The following TTC14 variants were observed in gnomAD, a reference collection of about 807,000 sequenced individuals.
The protein encoded by TTC14 is tetratricopeptide repeat domain 14.
TTC14 carries 63 observed loss-of-function variants against 79.9 expected under a neutral mutation model. That is an observed-to-expected ratio of 0.79 (90% CI 0.64 to 0.97). The LOEUF is 0.97. TTC14 is among the 50% of genes least tolerant of loss of function. TTC14 has a pLI of 0.00. For missense variants in TTC14, 895 were observed against 894.0 expected, an observed-to-expected ratio of 1.00 and a Z score of -0.01; for synonymous variants, 335 against 309.6, an observed-to-expected ratio of 1.08 and a Z score of -0.86.
At position 180,610,629 on chromosome 3, in the gene TTC14, C is replaced by A. The variant is rs540847051; in HGVS notation, c.*87C>A. Reference sequence around the variant, plus strand: ...AGTCATAACAGTTGAGTGCAGAAATCTCTGCTTCTAAAATTATTTGTAGAG... The same window carrying A: ...AGTCATAACAGTTGAGTGCAGAAATATCTGCTTCTAAAATTATTTGTAGAG... On this transcript the variant is annotated 3_prime_UTR_variant, in exon 12 of 12. Coordinates refer to ENST00000296015, the MANE Select transcript of TTC14 (RefSeq NM_133462.4). 8 of 1,486,526 alleles carry A rather than the reference C, an allele frequency of 5.4e-6. No individual in the cohort carries two copies. In the African/African-American group the frequency reaches 1.1e-4, roughly 21 times the overall value. 92.1% of individuals were successfully genotyped at this position (1,486,526 alleles called of 1,614,324 possible).
chr3:180,612,605 T>C (rs1007736372), downstream of TTC14, among the ~76,000 whole-genome samples: 22 of 152,166 alleles, frequency 1.4e-4, no homozygotes, highest in African/African-American at 4.6e-4. Flanking sequence ...TCCAAATAAG[T>C]TGGGTGTGGT....
chr3:180,616,073 A>T (rs893388515), downstream of TTC14, among the ~76,000 whole-genome samples: 1 of 152,226 alleles, frequency 6.6e-6, no homozygotes, highest in Non-Finnish European at 1.5e-5. Context: ...TAGTGACACC[A>T]GCAGAAGTCA....
intron 12 of TTC14, chr3:180,616,712 G>A (rs1415367720): frequency 6.3e-7 from 1 of 1,580,178 alleles, no homozygotes; most frequent in Non-Finnish European, 8.6e-7. Context: ...GTAAATAATA[G>A]TCAATTATTC....
chr3:180,614,182 C>G (rs1481848307), downstream of TTC14: 1 of 161,316 alleles, frequency 6.2e-6, no homozygotes, highest in Non-Finnish European at 1.4e-5. Context: ...TCATACCTAG[C>G]TTTCATTAAA....
At chr3:180,612,613 G>A (rs1176369344), downstream of TTC14, among the ~76,000 whole-genome samples, 2 of 152,140 alleles carry the variant, frequency 1.3e-5, no homozygotes, top group African/African-American at 4.8e-5. Context: ...AGTTGGGTGT[G>A]GTGGTGCATG....
At position 180,609,752 on chromosome 3, in the gene TTC14, A is replaced by G. The variant is rs1716887191; in HGVS notation, c.1523A>G (p.Asn508Ser). The G allele has an allele frequency of 1.2e-6, 2 of 1,613,860 alleles. No homozygotes were observed. The highest frequency in any genetic ancestry group is 1.3e-5 in the African/African-American group (1 of 74,916). The change falls in exon 12 of 12, where the codon AAC becomes AGC. Residue 508 changes from asparagine to serine, a missense_variant. Coordinates refer to ENST00000296015, the MANE Select transcript of TTC14 (RefSeq NM_133462.4). ...AAAAGGCATAAGAAACATAAGAGGA[A>G]CCGTTCAGAGTCTTCTCGCAGTTCC... ...GHKRHKKHKRNRSESSRSSRR... is the reference protein window; with the variant it reads ...GHKRHKKHKRSRSESSRSSRR...
intron 3 of TTC14, chr3:180,603,803 T>TA: frequency 4.5e-6 from 1 of 222,682 alleles, no homozygotes; most frequent in South Asian, 6.4e-5. Flanking sequence ...TGTGTCACGA[T>TA]AAAAGATTGG....
downstream of TTC14, chr3:180,615,165 C>G: frequency 1.0e-6 from 1 of 975,192 alleles, no homozygotes; most frequent in Non-Finnish European, 1.5e-6. Flanking sequence ...TACCATAATT[C>G]CATAAGTAAA....
intron 6 of TTC14, chr3:180,605,268 T>G (rs1716613028): frequency 3.3e-6 from 1 of 299,408 alleles, no homozygotes; most frequent in Non-Finnish European, 6.1e-6. Flanking sequence ...AAATACTGGG[T>G]TTTTTTGTTT....
chr3:180,606,642 T>G (rs1227991402), intron 9 of TTC14, 39 bp downstream of exon 9: 8 of 1,568,770 alleles, frequency 5.1e-6, no homozygotes, highest in Non-Finnish European at 6.9e-6. Flanking sequence ...AGGTCTAATG[T>G]TCAACCAACC....
intron 10 of TTC14, 47 bp downstream of exon 10, chr3:180,607,812 G>A: frequency 1.3e-6 from 2 of 1,592,960 alleles, no homozygotes; most frequent in Non-Finnish European, 1.7e-6. Flanking sequence ...TTGAAATAAT[G>A]CCCAAACTTA....
chr3:180,608,229 A>G (rs961449931), intron 10 of TTC14: 8 of 990,782 alleles, frequency 8.1e-6, no homozygotes, highest in African/African-American at 3.5e-5. Flanking sequence ...ATGATTTCCT[A>G]TGTAATCATG....
rs758985706 is a variant in TTC14 at position 180,605,799 on chromosome 3, A to G, written c.891A>G (p.Ala297=). Residue 297 remains alanine (A), a synonymous_variant, in exon 7 of 12, where the codon GCA becomes GCG. Transcript: ENST00000296015. ...TCTCTGAAGATGATTTTGCTTCTGC[A>G]TTGAGAAAAAAACAATCCGCATCTT... is the stretch of plus-strand genomic sequence containing the variant. The part of the protein sequence containing the change: ...KNFSEDDFAS[A]LRKKQSASWA... 3.8e-6 allele frequency: 6 copies of G among 1,570,606 alleles called. No homozygotes were observed. The South Asian group carries it at 7.1e-5, about 19-fold the overall frequency.
downstream of TTC14, among the ~76,000 whole-genome samples, chr3:180,611,949 A>G (rs539147106): frequency 6.6e-6 from 1 of 152,308 alleles, no homozygotes; most frequent in African/African-American, 2.4e-5. Context: ...CAGTAATGAG[A>G]GCCTAGTGAA....
Position 180,611,051 on chromosome 3 carries a change from T to C in TTC14, c.*509T>C. The C allele has an allele frequency of 1.0e-6, 1 of 957,038 alleles. No homozygotes were observed. Among genetic ancestry groups the C allele is most frequent in the Non-Finnish European group, 1.2e-6 (1 of 804,044 alleles). 59.3% of individuals were successfully genotyped at this position (957,038 alleles called of 1,614,324 possible). A position where few individuals can be genotyped will look rare whatever the true frequency, so the allele number is the denominator to read the frequency against. ...ATTACATTTTTTGCCCAATTTTTTTTAAAATTTTTAAATGGTAGATTATAT... is the reference window on the plus strand; with the variant it reads ...ATTACATTTTTTGCCCAATTTTTTTCAAAATTTTTAAATGGTAGATTATAT... On this transcript the variant is annotated 3_prime_UTR_variant, in exon 12 of 12. Coordinates refer to ENST00000296015, the MANE Select transcript of TTC14 (RefSeq NM_133462.4).
Position 180,602,252 on chromosome 3 carries a change from T to C in TTC14, c.-10T>C. 1 of 1,613,610 alleles carries C rather than the reference T, an allele frequency of 6.2e-7. No individual in the cohort carries two copies. The highest frequency in any genetic ancestry group is 2.2e-5 in the East Asian group (1 of 44,876). On this transcript the variant is annotated 5_prime_UTR_variant, in exon 1 of 12. Transcript: ENST00000296015. Reference sequence around the variant, plus strand: ...AGCCCGTCGGCCTCCGGGCCCTGCATTCTCTAGCCATGGACCGGGACCTTT... The same window carrying C: ...AGCCCGTCGGCCTCCGGGCCCTGCACTCTCTAGCCATGGACCGGGACCTTT...
downstream of TTC14, chr3:180,617,892 C>T (rs1560079839): frequency 6.4e-6 from 1 of 156,864 alleles, no homozygotes; most frequent in Admixed American, 6.5e-5. Flanking sequence ...TTCACATTCT[C>T]TCACCACTCA....
Position 180,609,955 on chromosome 3 carries a change from A to G in TTC14, c.1726A>G (p.Arg576Gly), listed in dbSNP as rs1211256355. 1.9e-6 allele frequency: 3 copies of G among 1,613,950 alleles called. No homozygotes were observed. Among genetic ancestry groups the G allele is most frequent in the African/African-American group, 1.3e-5 (1 of 74,918 alleles). Residue 576 changes from arginine (R) to glycine (G), a missense_variant, in exon 12 of 12, where the codon AGA becomes GGA. By Grantham distance (125) the Arg-to-Gly change is moderately radical (BLOSUM62 -2). Transcript: ENST00000296015. Reference sequence around the variant, plus strand: ...AAAGACACAGATAAAAGAGAAAGATAGATGCCCTCTCTCTTCATCTTCACT... The same window carrying G: ...AAAGACACAGATAAAAGAGAAAGATGGATGCCCTCTCTCTTCATCTTCACT... ...YEKTQIKEKD[R>G]CPLSSSSLEI...
At chr3:180,616,034 G>A (rs1403144600), downstream of TTC14, among the ~76,000 whole-genome samples, 1 of 152,188 alleles carries the variant, frequency 6.6e-6, no homozygotes, top group Non-Finnish European at 1.5e-5. Context: ...ATAGCTCATA[G>A]TCACAGAGCA....
Sources: gnomAD v4.1 joint callset for allele counts (sites outside exome capture counted in the v4.1 genomes callset) on GRCh38, gnomAD v4.1.1 for gene constraint, MANE v1.5 for transcripts, NCBI Gene and HGNC (gene_info 2026-07-23, HGNC 2026-07-21) for gene names.